FAM210A: variants seen among roughly 807,000 people sequenced by gnomAD.
The protein encoded by FAM210A is mitochondrial inner membrane scaffold 1.
A neutral mutation model predicts 25.3 loss-of-function variants in FAM210A; 13 were observed. The observed-to-expected ratio is 0.51, with a 90% confidence interval of 0.33 to 0.82. FAM210A has a LOEUF of 0.82. Among genes scored for constraint, FAM210A ranks in the 40% least tolerant of loss-of-function variants. The pLI, the probability that FAM210A is intolerant of heterozygous loss-of-function variation, is 0.02. For missense variants in FAM210A, 319 were observed against 323.2 expected (o/e 0.99, Z 0.10); for synonymous variants, 125 against 118.7 (o/e 1.05, Z -0.35).
intron 1 of FAM210A, among the ~76,000 whole-genome samples, chr18:13,719,635 A>G (rs1168266417): frequency 2.0e-5 from 3 of 152,122 alleles, no homozygotes; most frequent in Non-Finnish European, 4.4e-5. Flanking sequence ...ACTATGGTTA[A>G]TTCTCAGAAG....
intron 1 of FAM210A, among the ~76,000 whole-genome samples, chr18:13,723,854 A>G (rs1310810299): frequency 2.0e-5 from 3 of 152,218 alleles, no homozygotes; most frequent in African/African-American, 4.8e-5. Context: ...AAGACAATGA[A>G]ATTTCAGTAG....
chr18:13,665,409 C>CAAAAAAAAAAAAAAAAAAAAA lies in FAM210A; in HGVS notation c.*1070_*1071insTTTTTTTTTTTTTTTTTTTTT, dbSNP rs1555788360. ...AAAAAAAAAAAAAAAAAAAAAAAAT[C>CAAAAAAAAAAAAAAAAAAAAA]AAGTAGAATGCTCAAACAAGGATAT... On this transcript the variant is annotated 3_prime_UTR_variant, in exon 4 of 4. Transcript: ENST00000651643. 2.2e-5 allele frequency: 2 copies of CAAAAAAAAAAAAAAAAAAAAA among 89,658 alleles called. No individual in the cohort carries two copies. The highest frequency in any genetic ancestry group is 3.7e-5 in the African/African-American group (1 of 27,108). The allele number at this position is 89,658 out of a possible 1,614,324, so 5.6% of individuals were successfully genotyped here.
intron 1 of FAM210A, among the ~76,000 whole-genome samples, chr18:13,703,301 A>C (rs900461486): frequency 6.6e-6 from 1 of 152,234 alleles, no homozygotes; most frequent in Admixed American, 6.5e-5. Context: ...CATTTGGATC[A>C]GAGAAGCATG....
intron 1 of FAM210A, among the ~76,000 whole-genome samples, chr18:13,721,812 C>T (rs1332494373): frequency 1.3e-5 from 2 of 152,102 alleles, no homozygotes; most frequent in Non-Finnish European, 2.9e-5. Flanking sequence ...CTTTGAGTGT[C>T]CTGGAATTAG....
intron 1 of FAM210A, among the ~76,000 whole-genome samples, chr18:13,713,694 T>C (rs530466779): frequency 6.8e-6 from 1 of 147,698 alleles, no homozygotes; most frequent in Non-Finnish European, 1.5e-5. Flanking sequence ...ACTGCTTCCG[T>C]GATTAGTAGC....
At chr18:13,699,941 A>T (rs2043725357) in intron 1 of FAM210A, among the ~76,000 whole-genome samples, 1 of 152,176 alleles carries the variant, frequency 6.6e-6, no homozygotes, top group Non-Finnish European at 1.5e-5. Flanking sequence ...TGGGTAAAAA[A>T]ACTCTTTTTC....
chr18:13,713,873 T>A (rs536305777), intron 1 of FAM210A, among the ~76,000 whole-genome samples: 1 of 152,086 alleles, frequency 6.6e-6, no homozygotes, highest in Non-Finnish European at 1.5e-5. Context: ...TCAGGTAGCA[T>A]ACCACACAGC....
Position 13,666,234 on chromosome 18 carries a change from G to A in FAM210A, c.*246C>T, listed in dbSNP as rs1343657453. On this transcript the variant is annotated 3_prime_UTR_variant, in exon 4 of 4. Coordinates refer to ENST00000651643, the MANE Select transcript of FAM210A (RefSeq NM_152352.4). ...CTTGAAAAAGAAGTCTGACTTCTAA[G>A]ACATTAACCACTGCTTAATACTGCT... is the stretch of plus-strand genomic sequence containing the variant. 1 of 435,098 alleles carries A rather than the reference G, an allele frequency of 2.3e-6. No homozygotes were observed. Among genetic ancestry groups the A allele is most frequent in the Non-Finnish European group, 4.1e-6 (1 of 241,602 alleles). 27.0% of individuals were successfully genotyped at this position (435,098 alleles called of 1,614,324 possible).
chr18:13,720,293 T>C (rs1010364413), intron 1 of FAM210A, among the ~76,000 whole-genome samples: 32 of 152,136 alleles, frequency 2.1e-4, no homozygotes, highest in African/African-American at 7.7e-4. Context: ...ATGGCCTGAG[T>C]GGCAGAGCAG....
In FAM210A at chr18:13,668,465, A is replaced by G. The variant is rs964006461; in HGVS notation, c.586-1752T>C. 2.0e-5 allele frequency among the ~76,000 whole-genome samples: 3 copies of G among 152,236 alleles called. No homozygotes were observed. In the East Asian group the frequency reaches 5.8e-4, roughly 29 times the overall value. ...CTCTCTGGTCTTTAGTGCCAACTATACATGGATGATTCTTAACTTTAATCT... is the reference window on the plus strand; with the variant it reads ...CTCTCTGGTCTTTAGTGCCAACTATGCATGGATGATTCTTAACTTTAATCT... On this transcript the variant is annotated intron_variant, in intron 3 of 3. Transcript: ENST00000651643.
At chr18:13,666,780 G>A in intron 3 of FAM210A, 67 bp from the exon 4 acceptor site, 1 of 1,407,872 alleles carries the variant, frequency 7.1e-7, no homozygotes, top group African/African-American at 1.4e-5. Context: ...GCAAAAACAA[G>A]TTAAAATTAA....
chr18:13,670,446 C>T (rs1362907535), intron 3 of FAM210A, among the ~76,000 whole-genome samples: 1 of 152,112 alleles, frequency 6.6e-6, no homozygotes, highest in Non-Finnish European at 1.5e-5. Flanking sequence ...TCAGAGGATG[C>T]TAATGAGGAT....
intron 1 of FAM210A, among the ~76,000 whole-genome samples, chr18:13,701,423 A>C (rs1217429879): frequency 1.3e-5 from 2 of 150,374 alleles, no homozygotes; most frequent in Admixed American, 1.3e-4. Flanking sequence ...CTGATAGTAA[A>C]TGGTAATATT....
intron 1 of FAM210A, among the ~76,000 whole-genome samples, chr18:13,711,991 G>T (rs1207280052): frequency 6.6e-6 from 1 of 152,192 alleles, no homozygotes; most frequent in Non-Finnish European, 1.5e-5. Flanking sequence ...AATCGGTACT[G>T]TGGAGAGTAC....
intron 1 of FAM210A, among the ~76,000 whole-genome samples, chr18:13,699,112 C>CT (rs952046367): frequency 5.9e-5 from 9 of 152,180 alleles, no homozygotes; most frequent in African/African-American, 2.2e-4. Context: ...GCCTCAATCT[C>CT]TTTCTTAATC....
intron 1 of FAM210A, among the ~76,000 whole-genome samples, chr18:13,685,978 C>G (rs753912473): frequency 1.3e-5 from 2 of 151,838 alleles, no homozygotes. Flanking sequence ...CAGAAAGCAA[C>G]GAACATGAGG....
At chr18:13,689,721 T>A (rs1268713765) in intron 1 of FAM210A, among the ~76,000 whole-genome samples, 1 of 152,204 alleles carries the variant, frequency 6.6e-6, no homozygotes, top group African/African-American at 2.4e-5. Flanking sequence ...TGTAAAACTT[T>A]TTATTGCATA....
chr18:13,722,026 A>G (rs2043901264), intron 1 of FAM210A, among the ~76,000 whole-genome samples: 1 of 152,092 alleles, frequency 6.6e-6, no homozygotes, highest in African/African-American at 2.4e-5. Context: ...AGTCTGTAAA[A>G]TGACTCAAAT....
intron 1 of FAM210A, among the ~76,000 whole-genome samples, chr18:13,708,123 C>T (rs2043793905): frequency 6.6e-6 from 1 of 152,230 alleles, no homozygotes; most frequent in South Asian, 2.1e-4. Flanking sequence ...ATTGTTTCTG[C>T]ATATTGCTTG....
Sources: gnomAD v4.1 joint callset for allele counts (sites outside exome capture counted in the v4.1 genomes callset) on GRCh38, gnomAD v4.1.1 for gene constraint, MANE v1.5 for transcripts, NCBI Gene and HGNC (gene_info 2026-07-23, HGNC 2026-07-21) for gene names.